PRKN: variants seen among roughly 807,000 people sequenced by gnomAD.
PRKN encodes E3 ubiquitin-protein ligase parkin.
A neutral mutation model predicts 59.5 loss-of-function variants in PRKN; 56 were observed. That is an observed-to-expected ratio of 0.94 (90% CI 0.76 to 1.18). The LOEUF is 1.18. Ranked by LOEUF, PRKN falls within the 50% of genes most tolerant of loss-of-function variation. The pLI, the probability that PRKN is intolerant of heterozygous loss-of-function variation, is 0.00. For missense variants in PRKN, 657 were observed against 596.4 expected (o/e 1.10, Z -1.06); for synonymous variants, 250 against 222.1 (o/e 1.13, Z -1.12).
intron 1 of PRKN, among the ~76,000 whole-genome samples, chr6:162,558,414 C>A (rs1341850998): frequency 6.7e-6 from 1 of 149,938 alleles, no homozygotes; most frequent in Non-Finnish European, 1.5e-5. Flanking sequence ...ACTGCAACCT[C>A]CGCCTCCTGG....
intron 4 of PRKN, among the ~76,000 whole-genome samples, chr6:162,164,638 A>T (rs1221299881): frequency 6.7e-6 from 1 of 149,282 alleles, no homozygotes; most frequent in Non-Finnish European, 1.5e-5. Flanking sequence ...TTTGGAATCC[A>T]GTAATTGTAT....
rs1306022722 is a variant in PRKN, at chr6:161,544,508, TCA to T, written c.1083+4344_1083+4345del. 9.0e-5 allele frequency among the ~76,000 whole-genome samples: 1 copy of T among 11,172 alleles called. No individual in the cohort carries two copies. The highest frequency in any genetic ancestry group is 2.6e-4 in the Non-Finnish European group (1 of 3,886). 7.3% of individuals were successfully genotyped at this position (11,172 alleles called of 152,430 possible). ...AGATTCACTCAACCATTTATTTTATTCATTCATTCATTCATTCATTCATTCAT... is the reference window on the plus strand; with the variant it reads ...AGATTCACTCAACCATTTATTTTATTTTCATTCATTCATTCATTCATTCAT... On this transcript the variant is annotated intron_variant, in intron 9 of 11. Coordinates refer to ENST00000366898, the MANE Select transcript of PRKN (RefSeq NM_004562.3). The surrounding 1 kb of genome is among the most constrained non-coding windows in gnomAD (Gnocchi z 5.5).
chr6:162,338,715 T>C (rs1410239955), intron 2 of PRKN, among the ~76,000 whole-genome samples: 15 of 150,828 alleles, frequency 9.9e-5, no homozygotes, highest in East Asian at 8.0e-4. Context: ...GGCCGCCCAT[T>C]GTCTGGGATG....
intron 2 of PRKN, among the ~76,000 whole-genome samples, chr6:162,283,048 A>T (rs756087522): frequency 2.0e-4 from 30 of 151,470 alleles, no homozygotes; most frequent in Non-Finnish European, 5.9e-5. Flanking sequence ...CTTAGAATAG[A>T]ATGGAATTTT....
intron 1 of PRKN, among the ~76,000 whole-genome samples, chr6:162,611,354 A>C (rs1365248465): frequency 6.6e-6 from 1 of 152,220 alleles, no homozygotes; most frequent in East Asian, 1.9e-4. Flanking sequence ...GATCTTATTA[A>C]GCTGAAGTTT....
At chr6:162,343,157 C>T (rs1784260981) in intron 2 of PRKN, among the ~76,000 whole-genome samples, 1 of 152,080 alleles carries the variant, frequency 6.6e-6, no homozygotes, top group African/African-American at 2.4e-5. Flanking sequence ...TTTTTGTCTT[C>T]CTGATTAGTA....
At chr6:162,129,573 G>A (rs561970044) in intron 4 of PRKN, among the ~76,000 whole-genome samples, 2 of 152,116 alleles carry the variant, frequency 1.3e-5, no homozygotes, top group Admixed American at 6.5e-5. Context: ...AACTTGGAAC[G>A]TTCCTCAATG....
At chr6:161,425,655 C>T (rs1432819838) in intron 9 of PRKN, among the ~76,000 whole-genome samples, 1 of 152,152 alleles carries the variant, frequency 6.6e-6, no homozygotes, top group East Asian at 1.9e-4. Context: ...GGTGCCTCAT[C>T]ACCCACTGGA....
intron 2 of PRKN, among the ~76,000 whole-genome samples, chr6:162,344,058 G>A (rs767305481): frequency 6.6e-6 from 1 of 152,140 alleles, no homozygotes; most frequent in Admixed American, 6.5e-5. Context: ...ATCTGCTGTT[G>A]GCTCACAAAT....
In PRKN at chr6:161,361,376, TCCTCATATC is replaced by T; in HGVS notation, c.1168-1180_1168-1172del. 6.6e-6 allele frequency among the ~76,000 whole-genome samples: 1 copy of T among 152,226 alleles called. No homozygotes were observed. Among genetic ancestry groups the T allele is most frequent in the Non-Finnish European group, 1.5e-5 (1 of 68,044 alleles). On this transcript the variant is annotated intron_variant, in intron 10 of 11. Coordinates refer to ENST00000366898, the MANE Select transcript of PRKN (RefSeq NM_004562.3). This position sits in a 1 kb window ranked among gnomAD's most constrained non-coding sequence, Gnocchi z 5.2. Reference sequence around the variant, plus strand: ...CAGAGCCAAGATCACATTTGAGACATCCTCATATCCCCAGTTTCTGGCATAGAATCTGGT... The same window carrying T: ...CAGAGCCAAGATCACATTTGAGACATCCCAGTTTCTGGCATAGAATCTGGT...
intron 3 of PRKN, among the ~76,000 whole-genome samples, chr6:162,239,813 T>C (rs1778909832): frequency 6.6e-6 from 1 of 151,542 alleles, no homozygotes; most frequent in Admixed American, 6.6e-5. Flanking sequence ...TCGACTATTT[T>C]TATATTTTTA....
chr6:162,273,114 T>C (rs73598125), intron 2 of PRKN, among the ~76,000 whole-genome samples: 3,989 of 150,508 alleles, frequency 0.027, 64 homozygotes, highest in East Asian at 0.07. Context: ...AAATAGAATA[T>C]AGTAAGGGAC....
chr6:161,526,055 T>C lies in PRKN; in HGVS notation c.1083+22799A>G, dbSNP rs1239085136. 7.9e-5 allele frequency among the ~76,000 whole-genome samples: 12 copies of C among 152,202 alleles called. No homozygotes were observed. ...GTATTGTGTATCTTCTAAAGACCAC[T>C]GCTTGAATACAATTAAATGATCACT... On this transcript the variant is annotated intron_variant, in intron 9 of 11. Transcript: ENST00000366898. This position sits in a 1 kb window ranked among gnomAD's most constrained non-coding sequence, Gnocchi z 4.1.
At chr6:161,508,614 C>A (rs1339552851) in intron 9 of PRKN, among the ~76,000 whole-genome samples, 2 of 152,148 alleles carry the variant, frequency 1.3e-5, no homozygotes, top group Non-Finnish European at 2.9e-5. Context: ...CTTAATAAAT[C>A]CGCCCTGAGC....
At chr6:161,688,456 C>T (rs1405335949) in intron 7 of PRKN, among the ~76,000 whole-genome samples, 1 of 152,210 alleles carries the variant, frequency 6.6e-6, no homozygotes, top group Non-Finnish European at 1.5e-5. Flanking sequence ...AAACTCTAGG[C>T]TTATCAAGAC....
At position 162,061,719 on chromosome 6, in the gene PRKN, G is replaced by A. The variant is rs563837527; in HGVS notation, c.535-7545C>T. On this transcript the variant is annotated intron_variant, in intron 4 of 11. Transcript: ENST00000366898. ...TTAAATAGTAACCAGGAAAAAGAAC[G>A]AAAAAAATTCGTTAAACCAAAATAT... 3.7e-3 allele frequency among the ~76,000 whole-genome samples: 567 copies of A among 152,104 alleles called. 2 individuals are homozygous for A. The highest frequency in any genetic ancestry group is 6.5e-3 in the Non-Finnish European group (440 of 67,986).
chr6:161,634,977 G>A (rs1783459126), intron 7 of PRKN, among the ~76,000 whole-genome samples: 1 of 152,156 alleles, frequency 6.6e-6, no homozygotes, highest in Admixed American at 6.5e-5. Flanking sequence ...AAGAACCCGA[G>A]GCCAGGACAG....
At chr6:162,050,768 A>G (rs938655193) in intron 5 of PRKN, among the ~76,000 whole-genome samples, 1 of 152,078 alleles carries the variant, frequency 6.6e-6, no homozygotes, top group Admixed American at 6.6e-5. Context: ...GTCCATGCGG[A>G]GCACTGAAGA....
intron 7 of PRKN, among the ~76,000 whole-genome samples, chr6:161,684,622 T>C (rs533197387): frequency 2.0e-5 from 3 of 152,260 alleles, no homozygotes; most frequent in East Asian, 3.9e-4. Context: ...AGAAAATGTA[T>C]AGAGAAATGA....
Sources: allele counts gnomAD v4.1 joint callset (sites outside exome capture counted in the v4.1 genomes callset), GRCh38; gene constraint gnomAD v4.1.1; non-coding constraint Gnocchi (gnomAD v3.1); transcripts MANE v1.5; gene names NCBI Gene and HGNC (gene_info 2026-07-23, HGNC 2026-07-21).